Variants in DCBLD1 observed in about 807,000 individuals in gnomAD.
DCBLD1 encodes the protein discoidin, CUB and LCCL domain containing 1, also known as discoidin, CUB and LCCL domain-containing protein 1.
A neutral mutation model predicts 71.5 loss-of-function variants in DCBLD1; 57 were observed. The observed-to-expected ratio is 0.80, with a 90% CI of 0.64 to 0.99. The LOEUF is 0.99. Among genes scored for constraint, DCBLD1 ranks in the 50% least tolerant of loss-of-function variants. The pLI, the probability that DCBLD1 is intolerant of heterozygous loss-of-function variation, is 0.00. For synonymous variants in DCBLD1, 380 were observed against 363.8 expected, an observed-to-expected ratio of 1.04 and a Z score of -0.51; for missense variants, 891 against 923.5, an observed-to-expected ratio of 0.96 and a Z score of 0.46.
intron 14 of DCBLD1, among the ~76,000 whole-genome samples, chr6:117,559,900 A>G (rs747869259): frequency 6.6e-6 from 1 of 152,224 alleles, no homozygotes; most frequent in African/African-American, 2.4e-5. Flanking sequence ...AAATCAACAC[A>G]CGGAAAGCAT....
intron 6 of DCBLD1, 55 bp downstream of exon 6, chr6:117,532,448 T>A: frequency 6.7e-7 from 1 of 1,497,478 alleles, no homozygotes; most frequent in Non-Finnish European, 8.9e-7. Flanking sequence ...CCCTGAAGGA[T>A]AATTAACCAG....
chr6:117,519,055 G>A (rs958506559), intron 2 of DCBLD1, among the ~76,000 whole-genome samples: 4 of 152,066 alleles, frequency 2.6e-5, no homozygotes, highest in Non-Finnish European at 5.9e-5. Context: ...CATAGAGATT[G>A]TCTTGCGTAT....
At chr6:117,534,770 A>G (rs1010061791) in intron 6 of DCBLD1, among the ~76,000 whole-genome samples, 1 of 150,264 alleles carries the variant, frequency 6.7e-6, no homozygotes, top group African/African-American at 2.4e-5. Flanking sequence ...TTTGAAAAGT[A>G]TATATTATAT....
intron 14 of DCBLD1, among the ~76,000 whole-genome samples, chr6:117,565,817 T>C (rs1442983369): frequency 6.6e-6 from 1 of 152,186 alleles, no homozygotes; most frequent in Non-Finnish European, 1.5e-5. Flanking sequence ...CGAAAATCCA[T>C]ACTTTGTTAG....
chr6:117,511,764 A>AT (rs1203472249), intron 2 of DCBLD1, among the ~76,000 whole-genome samples: 1 of 152,232 alleles, frequency 6.6e-6, no homozygotes, highest in Admixed American at 6.5e-5. Flanking sequence ...AATGGTTTAT[A>AT]TGTCTCTCAG....
At chr6:117,552,379 A>C (rs1206860503), downstream of DCBLD1, among the ~76,000 whole-genome samples, 1 of 152,164 alleles carries the variant, frequency 6.6e-6, no homozygotes, top group East Asian at 1.9e-4. Flanking sequence ...GAAGTCATCC[A>C]ACACCATTTG....
chr6:117,497,884 G>A (rs9767675), intron 1 of DCBLD1, among the ~76,000 whole-genome samples: 35,321 of 151,828 alleles, frequency 0.23, 4,507 homozygotes, highest in African/African-American at 0.33. Context: ...AATATTTAGA[G>A]GAAAAATGTA....
At chr6:117,566,967 T>C in intron 14 of DCBLD1, 1 of 1,610,432 alleles carries the variant, frequency 6.2e-7, no homozygotes, top group Non-Finnish European at 8.5e-7. Flanking sequence ...ATCTTCATAC[T>C]CTACGTTTTC....
chr6:117,506,216 C>G (rs1173942836), intron 2 of DCBLD1, among the ~76,000 whole-genome samples: 1 of 151,942 alleles, frequency 6.6e-6, no homozygotes, highest in Non-Finnish European at 1.5e-5. Flanking sequence ...GGTGGGGAAA[C>G]CGAGGCACAG....
At chr6:117,560,314 A>G (rs1415357324) in intron 14 of DCBLD1, 2 of 177,488 alleles carry the variant, frequency 1.1e-5, no homozygotes, top group Non-Finnish European at 2.4e-5. Context: ...AATGAGATCA[A>G]TATCATTTTA....
At chr6:117,500,743 G>A (rs886281852) in intron 1 of DCBLD1, among the ~76,000 whole-genome samples, 2 of 151,924 alleles carry the variant, frequency 1.3e-5, no homozygotes, top group African/African-American at 2.4e-5. Flanking sequence ...TGCACCTGTC[G>A]TCCCACCTAC....
intron 6 of DCBLD1, among the ~76,000 whole-genome samples, chr6:117,533,827 G>T (rs894420399): frequency 1.3e-5 from 2 of 152,180 alleles, no homozygotes; most frequent in African/African-American, 4.8e-5. Flanking sequence ...ACGGCCAGGA[G>T]GCTGGCTGGT....
intron 14 of DCBLD1, among the ~76,000 whole-genome samples, chr6:117,555,755 A>G (rs1242076524): frequency 6.6e-6 from 1 of 152,248 alleles, no homozygotes; most frequent in Non-Finnish European, 1.5e-5. Flanking sequence ...AACTGTATCA[A>G]GCCAAGGGTC....
intron 1 of DCBLD1, among the ~76,000 whole-genome samples, chr6:117,499,256 A>T (rs926740090): frequency 1.3e-5 from 2 of 150,596 alleles, no homozygotes; most frequent in African/African-American, 4.9e-5. Context: ...AAAAAAAAAA[A>T]ATCTGCCAGG....
chr6:117,539,405 G>A, intron 9 of DCBLD1, 26 bp downstream of exon 9: 1 of 1,584,592 alleles, frequency 6.3e-7, no homozygotes, highest in Non-Finnish European at 8.5e-7. Flanking sequence ...AGAGGCAAGA[G>A]AACTGAGTAG....
At chr6:117,522,582 C>T (rs569440131) in intron 4 of DCBLD1, among the ~76,000 whole-genome samples, 3 of 152,108 alleles carry the variant, frequency 2.0e-5, no homozygotes, top group Admixed American at 6.6e-5. Flanking sequence ...GCTGGGACGA[C>T]AGGTGTGCAC....
intron 1 of DCBLD1, among the ~76,000 whole-genome samples, chr6:117,491,487 T>C (rs1294405536): frequency 1.3e-5 from 2 of 152,202 alleles, no homozygotes; most frequent in Non-Finnish European, 2.9e-5. Flanking sequence ...AATCTATTAA[T>C]AAACTAAAAA....
chr6:117,549,216 C>T lies in DCBLD1; in HGVS notation c.*777C>T, dbSNP rs1471397091. The T allele has an allele frequency of 5.1e-6, 5 of 985,390 alleles. No individual in the cohort carries two copies. Among genetic ancestry groups the T allele is most frequent in the Non-Finnish European group, 6.0e-6 (5 of 829,928 alleles). 61.0% of individuals were successfully genotyped at this position (985,390 alleles called of 1,614,324 possible). ...TGTGAATGGCTGTGTCAGATGTTTT[C>T]GTACCTCAGATTAAAAATATTGCTG... On this transcript the variant is annotated 3_prime_UTR_variant, in exon 15 of 15. Transcript: ENST00000338728.
At chr6:117,518,687 G>C (rs909755674) in intron 2 of DCBLD1, among the ~76,000 whole-genome samples, 1 of 152,100 alleles carries the variant, frequency 6.6e-6, no homozygotes, top group Non-Finnish European at 1.5e-5. Context: ...GCTCGTGCAG[G>C]GGAACTCCTT....
Sources: allele counts gnomAD v4.1 joint callset (sites outside exome capture counted in the v4.1 genomes callset), GRCh38; gene constraint gnomAD v4.1.1; transcripts MANE v1.5; gene names NCBI Gene and HGNC (gene_info 2026-07-23, HGNC 2026-07-21).